Variants in ZSWIM6 observed in about 807,000 individuals in gnomAD.
ZSWIM6 encodes the protein zinc finger SWIM domain-containing protein 6.
In ZSWIM6, 9 loss-of-function variants were observed where a neutral mutation model predicts 113.2. The ratio of observed to expected loss-of-function variants is 0.08; its 90% CI spans 0.05 to 0.14. The LOEUF (loss-of-function observed/expected upper bound fraction) is 0.14. ZSWIM6 is among the 10% of genes least tolerant of loss of function. The pLI, the probability that ZSWIM6 is intolerant of heterozygous loss-of-function variation, is 1.00. For missense variants in ZSWIM6, 1,162 were observed against 1,552.2 expected, an observed-to-expected ratio of 0.75 and a Z score of 4.22; for synonymous variants, 611 against 606.5, an observed-to-expected ratio of 1.01 and a Z score of -0.11.
intron 4 of ZSWIM6, among the ~76,000 whole-genome samples, chr5:61,498,999 T>G (rs1476465149): frequency 6.6e-6 from 1 of 152,144 alleles, no homozygotes; most frequent in African/African-American, 2.4e-5. Context: ...TTATTCAAAC[T>G]AACTCAAGCT....
At chr5:61,505,372 C>G (rs1748574173) in intron 4 of ZSWIM6, among the ~76,000 whole-genome samples, 1 of 152,096 alleles carries the variant, frequency 6.6e-6, no homozygotes, top group Non-Finnish European at 1.5e-5. Context: ...CCTTCCCTCT[C>G]TTGAAAAGGA....
intron 2 of ZSWIM6, among the ~76,000 whole-genome samples, chr5:61,479,544 A>G (rs1367993145): frequency 6.6e-6 from 1 of 152,118 alleles, no homozygotes; most frequent in Admixed American, 6.5e-5. Context: ...CTCTCATTTA[A>G]CTGGCCTCCA....
At chr5:61,495,514 C>A (rs1181184325) in intron 4 of ZSWIM6, among the ~76,000 whole-genome samples, 1 of 152,044 alleles carries the variant, frequency 6.6e-6, no homozygotes, top group East Asian at 1.9e-4. Context: ...TTGACTTTTT[C>A]CCTGGCAATT....
chr5:61,417,081 G>A (rs1396006652), intron 1 of ZSWIM6, among the ~76,000 whole-genome samples: 2 of 152,154 alleles, frequency 1.3e-5, no homozygotes, highest in African/African-American at 4.8e-5. Context: ...GGTGGAGGTT[G>A]CAGTGAGCCG....
At chr5:61,336,730 C>T (rs1431373934) in intron 1 of ZSWIM6, among the ~76,000 whole-genome samples, 1 of 152,054 alleles carries the variant, frequency 6.6e-6, no homozygotes. Context: ...ACACTCCAGC[C>T]TGCGCAACAG....
intron 1 of ZSWIM6, among the ~76,000 whole-genome samples, chr5:61,397,078 C>T (rs780314127): frequency 2.6e-5 from 4 of 152,150 alleles, no homozygotes; most frequent in Non-Finnish European, 5.9e-5. Flanking sequence ...GAACTAAGTT[C>T]TGTTGCCATA....
chr5:61,381,166 T>G (rs1745465944), intron 1 of ZSWIM6, among the ~76,000 whole-genome samples: 1 of 152,142 alleles, frequency 6.6e-6, no homozygotes, highest in Non-Finnish European at 1.5e-5. Context: ...GGCAGGAGAA[T>G]CACTTGAATC....
chr5:61,528,097 C>A (rs1168753738), intron 7 of ZSWIM6, among the ~76,000 whole-genome samples: 1 of 152,028 alleles, frequency 6.6e-6, no homozygotes, highest in African/African-American at 2.4e-5. Flanking sequence ...TCTTTCCCTA[C>A]TTTATTTTTG....
intron 4 of ZSWIM6, among the ~76,000 whole-genome samples, chr5:61,500,777 A>G (rs901521759): frequency 3.9e-5 from 6 of 152,206 alleles, no homozygotes; most frequent in Non-Finnish European, 7.3e-5. Context: ...ATGGGGTACT[A>G]CTGTAGGATA....
intron 1 of ZSWIM6, among the ~76,000 whole-genome samples, chr5:61,440,785 A>T (rs1746812098): frequency 6.6e-6 from 1 of 152,182 alleles, no homozygotes; most frequent in African/African-American, 2.4e-5. Flanking sequence ...CAATTCAGGG[A>T]ACATTTAATG....
intron 1 of ZSWIM6, among the ~76,000 whole-genome samples, chr5:61,379,747 A>G (rs1745440296): frequency 6.6e-6 from 1 of 152,168 alleles, no homozygotes; most frequent in South Asian, 2.1e-4. Context: ...CTTCCTATAC[A>G]ATGCCTTCCC....
chr5:61,365,391 T>C (rs1257871464), intron 1 of ZSWIM6, among the ~76,000 whole-genome samples: 1 of 151,926 alleles, frequency 6.6e-6, no homozygotes, highest in East Asian at 1.9e-4. Flanking sequence ...ATCAATCAGC[T>C]TCTTGGATAG....
intron 1 of ZSWIM6, among the ~76,000 whole-genome samples, chr5:61,455,889 A>G (rs1747197458): frequency 6.7e-6 from 1 of 149,644 alleles, no homozygotes; most frequent in Non-Finnish European, 1.5e-5. Context: ...TTTTCAAAAG[A>G]CTTTCATCAC....
chr5:61,478,933 G>A (rs1747781311), intron 2 of ZSWIM6, among the ~76,000 whole-genome samples: 1 of 152,152 alleles, frequency 6.6e-6, no homozygotes. Flanking sequence ...GACTTTGGGA[G>A]GCCAAGGTGA....
At chr5:61,413,089 G>A (rs899101622) in intron 1 of ZSWIM6, among the ~76,000 whole-genome samples, 3 of 148,800 alleles carry the variant, frequency 2.0e-5, no homozygotes, top group African/African-American at 2.5e-5. Flanking sequence ...AGTTACATAC[G>A]TATACGTGTG....
intron 8 of ZSWIM6, 96 bp from the exon 9 acceptor site, chr5:61,531,369 T>A (rs1749423860): frequency 7.3e-7 from 1 of 1,372,800 alleles, no homozygotes; most frequent in Non-Finnish European, 9.7e-7. Context: ...AATCCATAAT[T>A]CATTTGCTTG....
chr5:61,361,919 C>T lies in ZSWIM6; in HGVS notation c.676+28971C>T, dbSNP rs78149913. Among the ~76,000 whole-genome samples, 1,610 of 152,242 alleles carry T rather than the reference C, an allele frequency of 0.011. 56 individuals are homozygous for T. In the East Asian group the frequency reaches 0.11, roughly 11 times the overall value. ...GTGGTGCAGTTTGGCACCTTTAGAACGCTAACAGACAAACCTAAAATGATT... is the reference window on the plus strand; with the variant it reads ...GTGGTGCAGTTTGGCACCTTTAGAATGCTAACAGACAAACCTAAAATGATT... On this transcript the variant is annotated intron_variant, in intron 1 of 13. Transcript: ENST00000252744.
intron 9 of ZSWIM6, 45 bp downstream of exon 9, chr5:61,531,770 T>C (rs756487782): frequency 2.7e-5 from 42 of 1,539,810 alleles, no homozygotes; most frequent in Non-Finnish European, 3.6e-5. Context: ...CAATTTGACT[T>C]AGGTGCTAAT....
intron 1 of ZSWIM6, among the ~76,000 whole-genome samples, chr5:61,426,595 ATTC>A (rs1200212685): frequency 6.6e-6 from 1 of 152,118 alleles, no homozygotes; most frequent in Non-Finnish European, 1.5e-5. Context: ...ATTGAATAAT[ATTC>A]TTCATGGGAT....
Sources: allele counts gnomAD v4.1 joint callset (sites outside exome capture counted in the v4.1 genomes callset), GRCh38; gene constraint gnomAD v4.1.1; transcripts MANE v1.5; gene names NCBI Gene and HGNC (gene_info 2026-07-23, HGNC 2026-07-21).